Variants in PBX4 observed in about 807,000 individuals in gnomAD.
PBX4 encodes pre-B-cell leukemia transcription factor 4.
In PBX4, 26 loss-of-function variants were observed where a neutral mutation model predicts 35.1. The ratio of observed to expected loss-of-function variants is 0.74; its 90% CI spans 0.54 to 1.03. The LOEUF is 1.03. Among genes scored for constraint, PBX4 ranks in the 50% least tolerant of loss-of-function variants. The pLI, the probability that PBX4 is intolerant of heterozygous loss-of-function variation, is 0.00. For synonymous variants in PBX4, 199 were observed against 204.2 expected (o/e 0.97, Z 0.22); for missense variants, 448 against 504.3 (o/e 0.89, Z 1.07).
chr19:19,591,346 G>A (rs954975922), intron 2 of PBX4, among the ~76,000 whole-genome samples: 2 of 152,192 alleles, frequency 1.3e-5, no homozygotes, highest in African/African-American at 2.4e-5. Context: ...CAACAGATCC[G>A]ACCAGCTGAC....
intron 2 of PBX4, among the ~76,000 whole-genome samples, chr19:19,580,573 A>C (rs954400662): frequency 6.6e-6 from 1 of 152,216 alleles, no homozygotes; most frequent in African/African-American, 2.4e-5. Context: ...TCTTGTAGTC[A>C]AAGAGCCAAA....
chr19:19,591,733 T>C (rs996018240), intron 2 of PBX4, among the ~76,000 whole-genome samples: 2 of 152,270 alleles, frequency 1.3e-5, no homozygotes, highest in Non-Finnish European at 2.9e-5. Flanking sequence ...CTCATGCTCA[T>C]GTGGAGGTAA....
chr19:19,571,310 GGTGT>G (rs1568380454), intron 2 of PBX4, among the ~76,000 whole-genome samples: 1 of 152,120 alleles, frequency 6.6e-6, no homozygotes, highest in East Asian at 1.9e-4. Flanking sequence ...TGGTGGGTGG[GGTGT>G]GTGTGTGTTG....
intron 1 of PBX4, 42 bp downstream of exon 1, chr19:19,618,469 G>A (rs978762987): frequency 1.4e-5 from 19 of 1,393,472 alleles, no homozygotes; most frequent in Non-Finnish European, 1.8e-5. Flanking sequence ...CAACCTCACT[G>A]CCACGACCCT....
Position 19,599,387 on chromosome 19 carries a change from A to T in PBX4, c.120-22T>A, listed in dbSNP as rs1229569136. The stretch of plus-strand genomic sequence containing the variant: ...CTTTCTGAAAGGGAGGTGACAGAGG[A>T]GGGTGTGAGAAAAGAATAGTCATCA... On this transcript the variant is annotated intron_variant, in intron 1 of 7. Coordinates refer to ENST00000251203, the MANE Select transcript of PBX4 (RefSeq NM_025245.3). The T allele has an allele frequency of 3.8e-6, 6 of 1,597,408 alleles. No homozygotes were observed. In the South Asian group the frequency reaches 6.6e-5, roughly 18 times the overall value.
intron 1 of PBX4, among the ~76,000 whole-genome samples, chr19:19,603,833 T>C (rs1308309448): frequency 6.6e-6 from 1 of 151,716 alleles, no homozygotes; most frequent in Non-Finnish European, 1.5e-5. Flanking sequence ...GGCATGTGCC[T>C]GTAATCCCAG....
chr19:19,618,566 C>A lies in PBX4; in HGVS notation c.64G>T (p.Val22Phe). 7.2e-7 allele frequency: 1 copy of A among 1,383,034 alleles called. No individual in the cohort carries two copies. Among genetic ancestry groups the A allele is most frequent in the Non-Finnish European group, 9.4e-7 (1 of 1,061,166 alleles). The allele number at this position is 1,383,034 out of a possible 1,614,324, so 85.7% of individuals were successfully genotyped here. ...PAPRRLDTSD[V>F]LQQIMAITDQ... Reference sequence around the variant, plus strand: ...GTGATGGCCATGATCTGCTGCAGGACGTCGCTCGTGTCGAGGCGCCGCGGG... The same window carrying A: ...GTGATGGCCATGATCTGCTGCAGGAAGTCGCTCGTGTCGAGGCGCCGCGGG... Residue 22 changes from valine (V) to phenylalanine (F), a missense_variant, in exon 1 of 8, where the codon GTC becomes TTC. Coordinates refer to ENST00000251203, the MANE Select transcript of PBX4 (RefSeq NM_025245.3).
chr19:19,578,384 T>C (rs942135722), intron 2 of PBX4, among the ~76,000 whole-genome samples: 1 of 152,138 alleles, frequency 6.6e-6, no homozygotes, highest in African/African-American at 2.4e-5. Flanking sequence ...GTGCTCCCCG[T>C]ACACTGATGC....
At chr19:19,605,284 C>T (rs1328694865) in intron 1 of PBX4, among the ~76,000 whole-genome samples, 1 of 151,070 alleles carries the variant, frequency 6.6e-6, no homozygotes, top group Admixed American at 6.6e-5. Flanking sequence ...GGCATGGTGG[C>T]GCGCACCTGT....
chr19:19,586,840 A>G (rs2061492236), intron 2 of PBX4, among the ~76,000 whole-genome samples: 1 of 151,814 alleles, frequency 6.6e-6, no homozygotes, highest in South Asian at 2.1e-4. Context: ...CTGAGGCAGG[A>G]GAATCGTTTG....
Position 19,570,576 on chromosome 19 carries a change from G to T in PBX4, c.441+10C>A. Reference sequence around the variant, plus strand: ...CACATGACAGAAACTCTTCCATGCAGAAAGATCACCTGTTCATATTTCTCT... The same window carrying T: ...CACATGACAGAAACTCTTCCATGCATAAAGATCACCTGTTCATATTTCTCT... On this transcript the variant is annotated intron_variant, in intron 3 of 7. Coordinates refer to ENST00000251203, the MANE Select transcript of PBX4 (RefSeq NM_025245.3). 1 of 1,610,576 alleles carries T rather than the reference G, an allele frequency of 6.2e-7. No homozygotes were observed. Among genetic ancestry groups the T allele is most frequent in the African/African-American group, 1.3e-5 (1 of 75,012 alleles).
chr19:19,584,956 T>C (rs1568387024), intron 2 of PBX4, among the ~76,000 whole-genome samples: 1 of 152,136 alleles, frequency 6.6e-6, no homozygotes, highest in Non-Finnish European at 1.5e-5. Flanking sequence ...CTGGGCATCA[T>C]GGGCACTGAG....
chr19:19,570,644 C>T lies in PBX4; in HGVS notation c.383G>A (p.Arg128Lys), dbSNP rs1368789469. Residue 128 changes from arginine to lysine, a missense_variant, in exon 3 of 8, where the codon AGG (arginine) becomes AAG (lysine). By Grantham distance (26) the Arg-to-Lys change is conservative. Coordinates refer to ENST00000251203, the MANE Select transcript of PBX4 (RefSeq NM_025245.3). ...CTGTCGGATCTGGGACAGCTTGGCC[C>T]TGTAGTCAGAGTGCTCAATGCTATT... is the stretch of plus-strand genomic sequence containing the variant. The part of the protein sequence containing the change: ...NDNSIEHSDY[R>K]AKLSQIRQIY... 1.9e-6 allele frequency: 3 copies of T among 1,614,062 alleles called. No homozygotes were observed. The highest frequency in any genetic ancestry group is 2.5e-6 in the Non-Finnish European group (3 of 1,180,038).
chr19:19,584,623 G>GTT (rs34113731), intron 2 of PBX4, among the ~76,000 whole-genome samples: 70 of 132,070 alleles, frequency 5.3e-4, no homozygotes, highest in African/African-American at 5.8e-4. Flanking sequence ...CCAAGGGCTG[G>GTT]TTTTTTTTTT....
Position 19,570,581 on chromosome 19 carries a change from A to G in PBX4, c.441+5T>C, listed in dbSNP as rs746028127. 33 of 1,611,974 alleles carry G rather than the reference A, an allele frequency of 2.0e-5. No homozygotes were observed. The highest frequency in any genetic ancestry group is 2.3e-5 in the Non-Finnish European group (27 of 1,178,316). ...GACAGAAACTCTTCCATGCAGAAAG[A>G]TCACCTGTTCATATTTCTCTAGCTC... On this transcript the variant is annotated splice_donor_5th_base_variant and intron_variant, in intron 3 of 7. Coordinates refer to ENST00000251203, the MANE Select transcript of PBX4 (RefSeq NM_025245.3).
intron 5 of PBX4, among the ~76,000 whole-genome samples, chr19:19,565,822 G>A (rs1327697058): frequency 6.6e-6 from 1 of 152,144 alleles, no homozygotes; most frequent in African/African-American, 2.4e-5. Flanking sequence ...GGAGGCTGAG[G>A]CAGGAGAATC....
intron 1 of PBX4, among the ~76,000 whole-genome samples, chr19:19,601,419 G>A (rs1447257164): frequency 6.6e-6 from 1 of 152,166 alleles, no homozygotes; most frequent in African/African-American, 2.4e-5. Context: ...AAGTCATGGG[G>A]ACAACTCTGG....
chr19:19,585,154 C>T (rs922311038), intron 2 of PBX4, among the ~76,000 whole-genome samples: 26 of 151,842 alleles, frequency 1.7e-4, no homozygotes, highest in Admixed American at 2.0e-4. Flanking sequence ...GGTGAAACCC[C>T]ATCTCTATTA....
chr19:19,578,239 C>T (rs1163239901), intron 2 of PBX4, among the ~76,000 whole-genome samples: 1 of 151,292 alleles, frequency 6.6e-6, no homozygotes, highest in Admixed American at 6.6e-5. Context: ...TAAGCAAAAG[C>T]AAAACTTAAA....
Sources: gnomAD v4.1 joint callset for allele counts (sites outside exome capture counted in the v4.1 genomes callset) on GRCh38, gnomAD v4.1.1 for gene constraint, MANE v1.5 for transcripts, NCBI Gene and HGNC (gene_info 2026-07-23, HGNC 2026-07-21) for gene names.